SRRM4: variants seen among roughly 807,000 people sequenced by gnomAD.
The protein encoded by SRRM4 is serine/arginine repetitive matrix 4.
A neutral mutation model predicts 68.9 loss-of-function variants in SRRM4; 33 were observed. The observed-to-expected ratio is 0.48, with a 90% CI of 0.36 to 0.64. The LOEUF (loss-of-function observed/expected upper bound fraction) is 0.64, where lower values mean the gene tolerates loss of function less well. Among genes scored for constraint, SRRM4 ranks in the 30% least tolerant of loss-of-function variants. SRRM4 has a pLI of 0.00. For synonymous variants in SRRM4, 318 were observed against 318.8 expected (o/e 1.00, Z 0.03); for missense variants, 817 against 827.1 (o/e 0.99, Z 0.15).
At chr12:119,132,259 G>T (rs4075946) in intron 8 of SRRM4, 65,624 of 151,958 alleles carry the variant, frequency 0.43, 14,998 homozygotes, top group South Asian at 0.53. Flanking sequence ...TTTGAGTCTT[G>T]TTTTGGCTGG....
At chr12:119,112,441 CT>C (rs1954150648) in intron 2 of SRRM4, among the ~76,000 whole-genome samples, 1 of 152,222 alleles carries the variant, frequency 6.6e-6, no homozygotes, top group Non-Finnish European at 1.5e-5. Context: ...AATCCCATTA[CT>C]GGGTATATAC....
chr12:119,100,351 G>T (rs920777872), intron 1 of SRRM4, among the ~76,000 whole-genome samples: 12 of 101,310 alleles, frequency 1.2e-4, no homozygotes, highest in African/African-American at 3.6e-4. Context: ...AAATCTGGGT[G>T]TGGTGGTGTG....
In SRRM4 at chr12:119,125,372, C is replaced by T. The variant is rs145227705; in HGVS notation, c.516-9C>T. On this transcript the variant is annotated splice_polypyrimidine_tract_variant and intron_variant, in intron 6 of 12. Transcript: ENST00000267260. ...TCTCCTCTGACTCGTTCCTTCTCAT[C>T]CCCCCAAGATCTCGAAGCCGGCCCC... 2 of 1,608,780 alleles carry T rather than the reference C, an allele frequency of 1.2e-6. No homozygotes were observed. The highest frequency in any genetic ancestry group is 1.1e-5 in the South Asian group (1 of 90,538).
chr12:119,095,641 C>G (rs1262736060), intron 1 of SRRM4, among the ~76,000 whole-genome samples: 1 of 152,102 alleles, frequency 6.6e-6, no homozygotes, highest in African/African-American at 2.4e-5. Context: ...TCCTGGCCAA[C>G]TGCCATTTCT....
At chr12:119,108,600 G>A (rs942721919) in intron 2 of SRRM4, among the ~76,000 whole-genome samples, 1 of 151,562 alleles carries the variant, frequency 6.6e-6, no homozygotes, top group African/African-American at 2.4e-5. Flanking sequence ...GATCTTTGTT[G>A]GTTTAGAGTC....
chr12:119,055,859 A>C (rs929711171), intron 1 of SRRM4, among the ~76,000 whole-genome samples: 2 of 152,222 alleles, frequency 1.3e-5, no homozygotes, highest in Admixed American at 6.5e-5. Flanking sequence ...AGGAGCTAAC[A>C]CATGTAGTGG....
At chr12:119,070,648 A>G (rs1246424292) in intron 1 of SRRM4, among the ~76,000 whole-genome samples, 2 of 152,192 alleles carry the variant, frequency 1.3e-5, no homozygotes, top group East Asian at 3.8e-4. Flanking sequence ...GTCACATACA[A>G]TTGGTTGGTC....
intron 1 of SRRM4, among the ~76,000 whole-genome samples, chr12:119,044,547 G>A (rs1033232805): frequency 2.6e-5 from 4 of 151,700 alleles, no homozygotes; most frequent in Non-Finnish European, 5.9e-5. Flanking sequence ...CAAGCTGTTG[G>A]TACAGTGCCA....
At position 119,156,782 on chromosome 12, in the gene SRRM4, C is replaced by A. The variant is rs999645626; in HGVS notation, c.1820C>A (p.Ser607Tyr). Residue 607 changes from serine (S) to tyrosine (Y), a missense_variant, in exon 13 of 13, where the codon TCC becomes TAC. Physicochemically the swap from Ser to Tyr is moderately radical, Grantham distance 144. Coordinates refer to ENST00000267260, the MANE Select transcript of SRRM4 (RefSeq NM_194286.4). ...AGCTACAGCTCAGCAGACAGCTACTCCAGCACGAGGCGCTAAGTGCCCCTG... is the reference window on the plus strand; with the variant it reads ...AGCTACAGCTCAGCAGACAGCTACTACAGCACGAGGCGCTAAGTGCCCCTG... ...SRSYSSADSY[S>Y]STRR 1 of 1,536,524 alleles carries A rather than the reference C, an allele frequency of 6.5e-7. No individual in the cohort carries two copies.
intron 1 of SRRM4, among the ~76,000 whole-genome samples, chr12:119,014,396 C>T (rs757168460): frequency 2.0e-5 from 3 of 152,234 alleles, no homozygotes; most frequent in African/African-American, 4.8e-5. Context: ...CCCCACCCCC[C>T]ACCTCTCTAC....
chr12:119,059,296 G>T (rs1298281292), intron 1 of SRRM4, among the ~76,000 whole-genome samples: 1 of 151,920 alleles, frequency 6.6e-6, no homozygotes, highest in African/African-American at 2.4e-5. Context: ...TTGTTCATTT[G>T]TTCATTTTGT....
chr12:118,996,835 A>G (rs1382152142), intron 1 of SRRM4, among the ~76,000 whole-genome samples: 1 of 152,208 alleles, frequency 6.6e-6, no homozygotes, highest in African/African-American at 2.4e-5. Context: ...GGTATGGAGC[A>G]AAAAATGTCA....
intron 1 of SRRM4, among the ~76,000 whole-genome samples, chr12:118,982,658 A>G (rs550922245): frequency 2.4e-5 from 3 of 122,878 alleles, no homozygotes; most frequent in Admixed American, 1.7e-4. Flanking sequence ...ATCTTGGAAG[A>G]GTTTTATTTT....
chr12:119,069,783 G>A (rs1457048138), intron 1 of SRRM4: 1 of 152,212 alleles, frequency 6.6e-6, no homozygotes, highest in Non-Finnish European at 1.5e-5. Flanking sequence ...CCACCATCAG[G>A]TTACCCACTA....
chr12:119,017,010 G>T (rs1026491787), intron 1 of SRRM4, among the ~76,000 whole-genome samples: 1 of 152,146 alleles, frequency 6.6e-6, no homozygotes, highest in Non-Finnish European at 1.5e-5. Flanking sequence ...AATACTATGG[G>T]GTCTGGAATA....
chr12:119,063,902 C>G lies in SRRM4; in HGVS notation c.132-38334C>G, dbSNP rs1953829704. On this transcript the variant is annotated intron_variant, in intron 1 of 12. Coordinates refer to ENST00000267260, the MANE Select transcript of SRRM4 (RefSeq NM_194286.4). ...GGGGAAATTGAGATCAGTGGAGCCT[C>G]TCATCTCCATTCCTAAACCCATGTA... 2.0e-5 allele frequency among the ~76,000 whole-genome samples: 3 copies of G among 152,168 alleles called. No individual in the cohort carries two copies. The South Asian group carries it at 6.2e-4, about 31-fold the overall frequency.
chr12:119,007,656 G>T (rs1004247389), intron 1 of SRRM4, among the ~76,000 whole-genome samples: 1 of 152,204 alleles, frequency 6.6e-6, no homozygotes, highest in African/African-American at 2.4e-5. Flanking sequence ...ACTCAGAGAG[G>T]TTCAGTGACT....
chr12:119,083,271 G>A (rs929843427), intron 1 of SRRM4, among the ~76,000 whole-genome samples: 12 of 151,878 alleles, frequency 7.9e-5, no homozygotes, highest in Non-Finnish European at 1.5e-4. Flanking sequence ...AGTGTACTCC[G>A]GTCATGGAGC....
chr12:119,016,290 C>A (rs1201344927), intron 1 of SRRM4, among the ~76,000 whole-genome samples: 1 of 152,044 alleles, frequency 6.6e-6, no homozygotes, highest in African/African-American at 2.4e-5. Flanking sequence ...TTAAGCCACT[C>A]AGCATGTGGT....
Sources: allele counts gnomAD v4.1 joint callset (sites outside exome capture counted in the v4.1 genomes callset), GRCh38; gene constraint gnomAD v4.1.1; transcripts MANE v1.5; gene names NCBI Gene and HGNC (gene_info 2026-07-23, HGNC 2026-07-21).